Variants in ZBTB8B observed in about 807,000 individuals in gnomAD.
The protein encoded by ZBTB8B is zinc finger and BTB domain-containing protein 8B.
Under a neutral mutation model 30.3 loss-of-function variants are expected in ZBTB8B, and 17 were observed. The observed-to-expected ratio is 0.56, with a 90% CI of 0.38 to 0.84. ZBTB8B has a LOEUF of 0.84. Among genes scored for constraint, ZBTB8B ranks in the 40% least tolerant of loss-of-function variants. ZBTB8B has a pLI of 0.00. For synonymous variants in ZBTB8B, 248 were observed against 255.6 expected (o/e 0.97, Z 0.28); for missense variants, 515 against 644.9 (o/e 0.80, Z 2.18).
chr1:32,473,961 C>T (rs1643643097), intron 2 of ZBTB8B, among the ~76,000 whole-genome samples: 1 of 152,008 alleles, frequency 6.6e-6, no homozygotes, highest in Non-Finnish European at 1.5e-5. Flanking sequence ...AGCGAGTCTC[C>T]TGCCTCAGCC....
At position 32,496,065 on chromosome 1, in the gene ZBTB8B, AAAT is replaced by A. The variant is rs949670450; in HGVS notation, c.*10650_*10652del. 13 of 152,178 alleles carry A rather than the reference AAAT, an allele frequency of 8.5e-5. No homozygotes were observed. The highest frequency in any genetic ancestry group is 3.1e-4 in the African/African-American group (13 of 41,448). The allele number at this position is 152,178 out of a possible 1,614,324, so 9.4% of individuals were successfully genotyped here. A position where few individuals can be genotyped will look rare whatever the true frequency, so the allele number is the denominator to read the frequency against. Reference sequence around the variant, plus strand: ...AGTTAAGGAAAAAAATAACCCCACAAAATAAAGAGAACTATTAGAGCTCTAAAC... The same window carrying A: ...AGTTAAGGAAAAAAATAACCCCACAAAAAGAGAACTATTAGAGCTCTAAAC... On this transcript the variant is annotated 3_prime_UTR_variant, in exon 4 of 4. Transcript: ENST00000609129.
chr1:32,480,808 A>G (rs2148184950), intron 2 of ZBTB8B, 83 bp from the exon 3 acceptor site: 2 of 1,346,710 alleles, frequency 1.5e-6, no homozygotes, highest in Non-Finnish European at 2.0e-6. Context: ...GGAATTCCCC[A>G]GCTCTGGATC....
chr1:32,474,532 CAA>C (rs909647588), intron 2 of ZBTB8B, among the ~76,000 whole-genome samples: 1 of 127,396 alleles, frequency 7.8e-6, no homozygotes. Flanking sequence ...GACCTTGTCT[CAA>C]AAAAAAAAGG....
At chr1:32,478,648 A>G (rs553552800) in intron 2 of ZBTB8B, among the ~76,000 whole-genome samples, 47 of 152,378 alleles carry the variant, frequency 3.1e-4, no homozygotes, top group Non-Finnish European at 6.3e-4. Flanking sequence ...TGGGAAACAG[A>G]TATCGGAGTC....
In ZBTB8B at chr1:32,485,708, A is replaced by T; in HGVS notation, c.*290A>T. Reference sequence around the variant, plus strand: ...CCTGTTTTTCTTGCTGTGTGTCCAAACTCTGGTTAGGAGAAAGATAAGAAA... The same window carrying T: ...CCTGTTTTTCTTGCTGTGTGTCCAATCTCTGGTTAGGAGAAAGATAAGAAA... On this transcript the variant is annotated 3_prime_UTR_variant, in exon 4 of 4. Coordinates refer to ENST00000609129, the MANE Select transcript of ZBTB8B (RefSeq NM_001145720.2). The T allele has an allele frequency of 2.8e-6, 1 of 355,186 alleles. No individual in the cohort carries two copies. Among genetic ancestry groups the T allele is most frequent in the Non-Finnish European group, 5.1e-6 (1 of 194,524 alleles). 22.0% of individuals were successfully genotyped at this position (355,186 alleles called of 1,614,324 possible). A position where few individuals can be genotyped will look rare whatever the true frequency, so the allele number is the denominator to read the frequency against.
chr1:32,471,314 G>A lies in ZBTB8B; in HGVS notation c.690G>A (p.Lys230=). Reference sequence around the variant, plus strand: ...CTCCACCCAAACGGATAGAGCCCAAGGTGGAATTTGATGCTGATGAAGTGG... The same window carrying A: ...CTCCACCCAAACGGATAGAGCCCAAAGTGGAATTTGATGCTGATGAAGTGG... The part of the protein sequence containing the change: ...LSTPPKRIEP[K]VEFDADEVEV... Residue 230 remains lysine (K), a synonymous_variant, in exon 2 of 4, where the codon AAG becomes AAA. Transcript: ENST00000609129. The A allele has an allele frequency of 6.4e-7, 1 of 1,551,838 alleles. No homozygotes were observed. The highest frequency in any genetic ancestry group is 8.7e-7 in the Non-Finnish European group (1 of 1,147,020).
intron 2 of ZBTB8B, among the ~76,000 whole-genome samples, chr1:32,476,783 T>C (rs1570257503): frequency 6.8e-6 from 1 of 147,406 alleles, no homozygotes; most frequent in Middle Eastern, 3.5e-3. Flanking sequence ...AGCGAGACTC[T>C]GTCTCAAAAA....
chr1:32,483,424 CAAAAAAAACAA>C (rs1643722271), intron 3 of ZBTB8B, among the ~76,000 whole-genome samples: 1 of 150,794 alleles, frequency 6.6e-6, no homozygotes, highest in African/African-American at 2.4e-5. Context: ...GACGGCGTCT[CAAAAAAAACAA>C]AACAAAAACA....
chr1:32,469,561 A>G (rs571015405), intron 1 of ZBTB8B, among the ~76,000 whole-genome samples: 2 of 152,170 alleles, frequency 1.3e-5, no homozygotes, highest in Non-Finnish European at 2.9e-5. Context: ...GGCCTCAAGT[A>G]TAATTCTTAG....
chr1:32,471,697 C>A, intron 2 of ZBTB8B, 82 bp downstream of exon 2: 1 of 1,405,496 alleles, frequency 7.1e-7, no homozygotes, highest in South Asian at 1.4e-5. Flanking sequence ...TCATCATGAT[C>A]ATTATCACCA....
In ZBTB8B at chr1:32,471,204, T is replaced by C; in HGVS notation, c.580T>C (p.Cys194Arg). 1 of 1,551,894 alleles carries C rather than the reference T, an allele frequency of 6.4e-7. No individual in the cohort carries two copies. The highest frequency in any genetic ancestry group is 2.4e-5 in the East Asian group (1 of 40,924). Residue 194 changes from cysteine to arginine, a missense_variant, in exon 2 of 4, where the codon TGC (cysteine) becomes CGC (arginine). Around this residue, in one of 3 missense-constraint regions of ZBTB8B, gnomAD observed 429 missense variants for 504.3 expected, o/e 0.85. Coordinates refer to ENST00000609129, the MANE Select transcript of ZBTB8B (RefSeq NM_001145720.2). Reference protein sequence around the residue: ...KSVECLRESPCGDCGDCHPLE... With the variant: ...KSVECLRESPRGDCGDCHPLE... Reference sequence around the variant, plus strand: ...CGTGGAGTGCCTGAGAGAGTCCCCTTGCGGTGACTGCGGAGACTGCCACCC... The same window carrying C: ...CGTGGAGTGCCTGAGAGAGTCCCCTCGCGGTGACTGCGGAGACTGCCACCC...
At chr1:32,483,090 A>G (rs1643718149) in intron 3 of ZBTB8B, among the ~76,000 whole-genome samples, 2 of 151,354 alleles carry the variant, frequency 1.3e-5, no homozygotes, top group South Asian at 4.2e-4. Flanking sequence ...AAGTGTACAC[A>G]TTAAAAAGAT....
chr1:32,470,514 A>AAAG lies in ZBTB8B; in HGVS notation c.-41-68_-41-67insGAA. ...GACGCTGACTCAAAAAAAAAAAAAA[A>AAAG]AAAAAAAAAAAAGAAATCTTGTTTG... On this transcript the variant is annotated intron_variant, in intron 1 of 3. Coordinates refer to ENST00000609129, the MANE Select transcript of ZBTB8B (RefSeq NM_001145720.2). The AAAG allele has an allele frequency of 6.4e-6, 7 of 1,100,544 alleles. No individual in the cohort carries two copies. In the East Asian group the frequency reaches 1.1e-4, roughly 17 times the overall value. 68.2% of individuals were successfully genotyped at this position (1,100,544 alleles called of 1,614,324 possible).
rs1454477552 is a variant in ZBTB8B, at chr1:32,491,327, G to A, written c.*5909G>A. On this transcript the variant is annotated 3_prime_UTR_variant, in exon 4 of 4. Coordinates refer to ENST00000609129, the MANE Select transcript of ZBTB8B (RefSeq NM_001145720.2). ...TCTTTTACCATCCATAGCCCCTGAG[G>A]AGCATCTACTGCCATCAGAAAAACA... 4 of 152,136 alleles carry A rather than the reference G, an allele frequency of 2.6e-5. No homozygotes were observed. The highest frequency in any genetic ancestry group is 2.6e-4 in the Admixed American group (4 of 15,266). 9.4% of individuals were successfully genotyped at this position (152,136 alleles called of 1,614,324 possible). A position where few individuals can be genotyped will look rare whatever the true frequency, so the allele number is the denominator to read the frequency against.
Position 32,492,296 on chromosome 1 carries a change from CTTTTTT to C in ZBTB8B, c.*6896_*6901del. The C allele has an allele frequency of 8.1e-6, 1 of 122,884 alleles. No individual in the cohort carries two copies. The allele number at this position is 122,884 out of a possible 1,614,324, so 7.6% of individuals were successfully genotyped here. A position where few individuals can be genotyped will look rare whatever the true frequency, so the allele number is the denominator to read the frequency against. On this transcript the variant is annotated 3_prime_UTR_variant, in exon 4 of 4. Coordinates refer to ENST00000609129, the MANE Select transcript of ZBTB8B (RefSeq NM_001145720.2). ...AAACACAGGCTCTTGGTAACCGTGC[CTTTTTT>C]TTTTTTTTTTTTTTTTTAAAGATGG...
At chr1:32,480,329 C>T (rs560268862) in intron 2 of ZBTB8B, among the ~76,000 whole-genome samples, 45 of 152,118 alleles carry the variant, frequency 3.0e-4, no homozygotes, top group Admixed American at 5.2e-4. Context: ...AGAGATCAGT[C>T]GATCTCTGGT....
rs1232493560 is a variant in ZBTB8B, at chr1:32,496,105, C to T, written c.*10687C>T. On this transcript the variant is annotated 3_prime_UTR_variant, in exon 4 of 4. Coordinates refer to ENST00000609129, the MANE Select transcript of ZBTB8B (RefSeq NM_001145720.2). ...TTAGAGCTCTAAACAGAAGAAGCTT[C>T]CATCAAACCGTTTTTCCCACTTTTT... 6.6e-6 allele frequency: 1 copy of T among 152,084 alleles called. No individual in the cohort carries two copies. The highest frequency in any genetic ancestry group is 1.5e-5 in the Non-Finnish European group (1 of 68,012). The allele number at this position is 152,084 out of a possible 1,614,324, so 9.4% of individuals were successfully genotyped here. A position where few individuals can be genotyped will look rare whatever the true frequency, so the allele number is the denominator to read the frequency against.
chr1:32,468,658 C>T (rs534430102), intron 1 of ZBTB8B, among the ~76,000 whole-genome samples: 1 of 152,166 alleles, frequency 6.6e-6, no homozygotes, highest in East Asian at 1.9e-4. Context: ...CAGTCTTGTT[C>T]GTGACCAGCC....
chr1:32,479,413 C>CTCCG (rs763366796), intron 2 of ZBTB8B, among the ~76,000 whole-genome samples: 1 of 152,046 alleles, frequency 6.6e-6, no homozygotes, highest in Non-Finnish European at 1.5e-5. Flanking sequence ...ATCCCAGCTA[C>CTCCG]TCCGAAGGCT....
Sources: gnomAD v4.1 joint callset for allele counts (sites outside exome capture counted in the v4.1 genomes callset) on GRCh38, gnomAD v4.1.1 for gene constraint, gnomAD v4.1.1 regional missense constraint, MANE v1.5 for transcripts, NCBI Gene and HGNC (gene_info 2026-07-23, HGNC 2026-07-21) for gene names.